TOM1L2: variants seen among roughly 807,000 people sequenced by gnomAD.
TOM1L2 encodes the protein target of myb1 like 2 membrane trafficking protein, also known as TOM1-like protein 2.
A neutral mutation model predicts 67.9 loss-of-function variants in TOM1L2; 31 were observed. The observed-to-expected ratio is 0.46, with a 90% CI of 0.34 to 0.62. TOM1L2 has a LOEUF of 0.62. Among genes scored for constraint, TOM1L2 ranks in the 20% least tolerant of loss-of-function variants. The probability of loss-of-function intolerance (pLI) is 0.01; values close to 1 mark genes in which losing one functional copy is unlikely to be tolerated. For synonymous variants in TOM1L2, 256 were observed against 254.0 expected, an observed-to-expected ratio of 1.01 and a Z score of -0.07; for missense variants, 606 against 663.5, an observed-to-expected ratio of 0.91 and a Z score of 0.95.
At chr17:17,951,487 A>T (rs770678264) in intron 1 of TOM1L2, among the ~76,000 whole-genome samples, 6 of 152,224 alleles carry the variant, frequency 3.9e-5, no homozygotes, top group Non-Finnish European at 7.3e-5. Flanking sequence ...GTTTGTGCAT[A>T]AAAAGTTGCT....
chr17:17,861,737 T>C (rs1354929714), intron 11 of TOM1L2, among the ~76,000 whole-genome samples, 186 bp from the exon 12 acceptor site: 1 of 152,174 alleles, frequency 6.6e-6, no homozygotes, highest in Non-Finnish European at 1.5e-5. Flanking sequence ...CTGCAGTGGA[T>C]GCTAGGAGGC....
At chr17:17,936,053 C>T (rs2040502826) in intron 1 of TOM1L2, among the ~76,000 whole-genome samples, 1 of 152,222 alleles carries the variant, frequency 6.6e-6, no homozygotes, top group African/African-American at 2.4e-5. Flanking sequence ...TTACGGTTTC[C>T]CACTGCTGTT....
At chr17:17,952,376 CTTTTTTTTTTTTTTTTTTTT>C (rs60388742) in intron 1 of TOM1L2, among the ~76,000 whole-genome samples, 2 of 79,920 alleles carry the variant, frequency 2.5e-5, no homozygotes, top group African/African-American at 4.4e-5. Context: ...TCTTTATTTT[CTTTTTTTTTTTTTTTTTTTT>C]TTTTTTTTTT....
At chr17:17,951,796 T>TA (rs1256996813) in intron 1 of TOM1L2, among the ~76,000 whole-genome samples, 5 of 152,118 alleles carry the variant, frequency 3.3e-5, no homozygotes, top group African/African-American at 9.7e-5. Flanking sequence ...CCACACATCT[T>TA]AGAGGTGGTT....
intron 8 of TOM1L2, among the ~76,000 whole-genome samples, chr17:17,868,609 C>G (rs533763054): frequency 9.2e-5 from 14 of 152,310 alleles, no homozygotes; most frequent in African/African-American, 3.4e-4. Context: ...TCATGAAAGC[C>G]CAGTGTGCTC....
At chr17:17,848,205 G>C (rs1420797163) in intron 14 of TOM1L2, among the ~76,000 whole-genome samples, 1 of 152,204 alleles carries the variant, frequency 6.6e-6, no homozygotes, top group Non-Finnish European at 1.5e-5. Flanking sequence ...GGAGGGGGGA[G>C]TGCCCCATTT....
At position 17,866,485 on chromosome 17, in the gene TOM1L2, G is replaced by A. The variant is rs559441933; in HGVS notation, c.961-66C>T. The stretch of plus-strand genomic sequence containing the variant: ...GAGTCAGGCTCTGAGGTAGAAGCTG[G>A]CAAGGCAACTATGCAGGGTTCCAAG... On this transcript the variant is annotated intron_variant, in intron 9 of 14. Coordinates refer to ENST00000379504, the MANE Select transcript of TOM1L2 (RefSeq NM_001082968.2). The A allele has an allele frequency of 2.0e-6, 3 of 1,498,860 alleles. No individual in the cohort carries two copies. In the Admixed American group the frequency reaches 7.0e-5, roughly 35 times the overall value. The allele number at this position is 1,498,860 out of a possible 1,614,324, so 92.8% of individuals were successfully genotyped here. A position where few individuals can be genotyped will look rare whatever the true frequency, so the allele number is the denominator to read the frequency against.
intron 12 of TOM1L2, among the ~76,000 whole-genome samples, chr17:17,860,824 T>C (rs995643870): frequency 2.0e-5 from 3 of 152,260 alleles, no homozygotes; most frequent in Admixed American, 6.5e-5. Context: ...AGCATGGTTA[T>C]GTTTGGGGAG....
chr17:17,967,731 C>T (rs371512082), intron 1 of TOM1L2, among the ~76,000 whole-genome samples: 1 of 152,150 alleles, frequency 6.6e-6, no homozygotes, highest in African/African-American at 2.4e-5. Flanking sequence ...CCTCAGCCTC[C>T]CGAGTAGCTG....
intron 1 of TOM1L2, among the ~76,000 whole-genome samples, chr17:17,922,693 A>G (rs2039924100): frequency 6.6e-6 from 1 of 152,238 alleles, no homozygotes; most frequent in South Asian, 2.1e-4. Context: ...TTAAGATCAA[A>G]TAAGTTAGTG....
chr17:17,943,510 A>G (rs1398900595), intron 1 of TOM1L2, among the ~76,000 whole-genome samples: 2 of 152,174 alleles, frequency 1.3e-5, no homozygotes, highest in Non-Finnish European at 2.9e-5. Context: ...AGAATGTAGG[A>G]ATGTGAAGGC....
intron 1 of TOM1L2, among the ~76,000 whole-genome samples, chr17:17,910,670 A>G (rs555589144): frequency 6.6e-6 from 1 of 152,188 alleles, no homozygotes; most frequent in African/African-American, 2.4e-5. Context: ...CCTGGGTTCA[A>G]GCAATTCTCC....
rs879740241 is a variant in TOM1L2 at position 17,874,258 on chromosome 17, CTTATTTAT to C, written c.778-4793_778-4786del. 2.0e-4 allele frequency among the ~76,000 whole-genome samples: 30 copies of C among 150,604 alleles called. No homozygotes were observed. In the East Asian group the frequency reaches 5.3e-3, roughly 27 times the overall value. On this transcript the variant is annotated intron_variant, in intron 7 of 14. Transcript: ENST00000379504. ...CGTGAGCCACCACGCCCAGCCATTA[CTTATTTAT>C]TTATTTATTTATTTAATATGTTGAG...
Position 17,845,288 on chromosome 17 carries a change from A to C in TOM1L2, c.*2347T>G, listed in dbSNP as rs1462961902. 6.6e-6 allele frequency: 1 copy of C among 152,094 alleles called. No homozygotes were observed. The highest frequency in any genetic ancestry group is 2.4e-5 in the African/African-American group (1 of 41,446). 9.4% of individuals were successfully genotyped at this position (152,094 alleles called of 1,614,324 possible). A position where few individuals can be genotyped will look rare whatever the true frequency, so the allele number is the denominator to read the frequency against. ...GCCTCCTGCCAGCCCATACAGGTCCACCACTCCCTGCTGCCCCTGGGGCAG... is the reference window on the plus strand; with the variant it reads ...GCCTCCTGCCAGCCCATACAGGTCCCCCACTCCCTGCTGCCCCTGGGGCAG... On this transcript the variant is annotated 3_prime_UTR_variant, in exon 15 of 15. Coordinates refer to ENST00000379504, the MANE Select transcript of TOM1L2 (RefSeq NM_001082968.2).
At chr17:17,915,116 G>T (rs1349074088) in intron 1 of TOM1L2, among the ~76,000 whole-genome samples, 2 of 152,150 alleles carry the variant, frequency 1.3e-5, no homozygotes, top group African/African-American at 4.8e-5. Context: ...CTGTACAGAG[G>T]TCTTCTATGT....
intron 1 of TOM1L2, among the ~76,000 whole-genome samples, chr17:17,919,516 G>A (rs916937513): frequency 2.6e-5 from 4 of 152,224 alleles, no homozygotes; most frequent in African/African-American, 7.2e-5. Context: ...CCCACCTGTA[G>A]GGTAAAGGAG....
At chr17:17,912,469 C>T (rs865817148) in intron 1 of TOM1L2, among the ~76,000 whole-genome samples, 4 of 144,536 alleles carry the variant, frequency 2.8e-5, no homozygotes, top group South Asian at 2.3e-4. Flanking sequence ...ACTTCTCAGA[C>T]GGGGTGGCCG....
At chr17:17,956,888 C>T (rs1055175727) in intron 1 of TOM1L2, among the ~76,000 whole-genome samples, 23 of 152,214 alleles carry the variant, frequency 1.5e-4, no homozygotes, top group Non-Finnish European at 2.4e-4. Context: ...GAGGCGGCTC[C>T]GGCCTCGGCC....
intron 1 of TOM1L2, among the ~76,000 whole-genome samples, chr17:17,913,157 G>C (rs1000892651): frequency 6.6e-6 from 1 of 151,478 alleles, no homozygotes; most frequent in African/African-American, 2.4e-5. Flanking sequence ...GCTTCGGCTC[G>C]GCATGAGAGG....
Sources: allele counts gnomAD v4.1 joint callset (sites outside exome capture counted in the v4.1 genomes callset), GRCh38; gene constraint gnomAD v4.1.1; transcripts MANE v1.5; gene names NCBI Gene and HGNC (gene_info 2026-07-23, HGNC 2026-07-21).